LUZP2: variants seen among roughly 807,000 people sequenced by gnomAD.
LUZP2 encodes leucine zipper protein 2.
Under a neutral mutation model 51.6 loss-of-function variants are expected in LUZP2, and 52 were observed. The observed-to-expected ratio is 1.01, with a 90% confidence interval of 0.81 to 1.27. LUZP2 has a LOEUF of 1.27. Among genes scored for constraint, LUZP2 ranks in the 50% most tolerant of loss-of-function variants. The pLI is 0.00. For synonymous variants in LUZP2, 154 were observed against 137.3 expected (o/e 1.12, Z -0.85); for missense variants, 436 against 395.4 (o/e 1.10, Z -0.87).
chr11:24,973,558 T>A (rs552918636), intron 7 of LUZP2, among the ~76,000 whole-genome samples: 96 of 151,976 alleles, frequency 6.3e-4, no homozygotes, highest in African/African-American at 2.2e-3. Flanking sequence ...ATTCTTCTAC[T>A]TTTTTTGACG....
intron 5 of LUZP2, among the ~76,000 whole-genome samples, chr11:24,903,706 A>G (rs1424679422): frequency 6.6e-6 from 1 of 152,176 alleles, no homozygotes; most frequent in Non-Finnish European, 1.5e-5. Context: ...CTGCCCATCT[A>G]AAGACAGTCT....
intron 5 of LUZP2, chr11:24,892,835 A>G (rs1852898929): frequency 6.6e-6 from 1 of 152,230 alleles, no homozygotes; most frequent in South Asian, 2.1e-4. Context: ...CAAAGAGATG[A>G]CAGGTTAATG....
intron 7 of LUZP2, among the ~76,000 whole-genome samples, chr11:24,956,589 CAT>C (rs1855219535): frequency 6.6e-6 from 1 of 151,960 alleles, no homozygotes; most frequent in African/African-American, 2.4e-5. Flanking sequence ...ACAAATGAAA[CAT>C]AATGGAGTTC....
intron 5 of LUZP2, among the ~76,000 whole-genome samples, chr11:24,855,308 A>G (rs1028039844): frequency 6.6e-5 from 10 of 152,300 alleles, no homozygotes; most frequent in African/African-American, 2.4e-4. Context: ...TATAAAAATC[A>G]GTAACATTTC....
At chr11:24,782,054 C>A (rs1849111589) in intron 5 of LUZP2, among the ~76,000 whole-genome samples, 1 of 152,158 alleles carries the variant, frequency 6.6e-6, no homozygotes, top group Admixed American at 6.6e-5. Context: ...AACAATCATT[C>A]AGAGAGCTTC....
chr11:24,814,458 G>C (rs1288344579), intron 5 of LUZP2, among the ~76,000 whole-genome samples: 1 of 152,164 alleles, frequency 6.6e-6, no homozygotes, highest in African/African-American at 2.4e-5. Context: ...CTTTATGAAA[G>C]AGTCTTCCTT....
At chr11:25,039,191 C>G (rs570834448) in intron 9 of LUZP2, among the ~76,000 whole-genome samples, 3 of 152,232 alleles carry the variant, frequency 2.0e-5, no homozygotes, top group Non-Finnish European at 4.4e-5. Context: ...GGGGATTGGA[C>G]CTGAACTAGT....
intron 9 of LUZP2, among the ~76,000 whole-genome samples, chr11:24,999,394 G>T (rs1390756319): frequency 7.2e-6 from 1 of 138,004 alleles, no homozygotes; most frequent in Admixed American, 7.5e-5. Flanking sequence ...CAGGAAGATG[G>T]GGAGGAGGAG....
chr11:24,971,453 G>C (rs1257987555), intron 7 of LUZP2, among the ~76,000 whole-genome samples: 1 of 152,034 alleles, frequency 6.6e-6, no homozygotes, highest in Admixed American at 6.6e-5. Context: ...AGCAGTACCA[G>C]TCTGTGGCAT....
At chr11:24,984,549 T>TATATAAAA (rs60530495) in intron 9 of LUZP2, among the ~76,000 whole-genome samples, 166 of 71,212 alleles carry the variant, frequency 2.3e-3, no homozygotes, top group African/African-American at 5.5e-3. Flanking sequence ...TATATATATA[T>TATATAAAA]AATTGTGAAT....
intron 1 of LUZP2, among the ~76,000 whole-genome samples, chr11:24,546,963 T>TTGG (rs79607613): frequency 1.9e-5 from 2 of 105,518 alleles, no homozygotes; most frequent in East Asian, 2.4e-4. Context: ...GTTGTTGTTG[T>TTGG]TGGTGGTGGT....
chr11:24,718,577 G>A (rs201755770), intron 1 of LUZP2, among the ~76,000 whole-genome samples: 1 of 95,846 alleles, frequency 1.0e-5, no homozygotes, highest in Admixed American at 1.1e-4. Context: ...CTTAACCATT[G>A]GTGATTTCTG....
intron 7 of LUZP2, among the ~76,000 whole-genome samples, chr11:24,974,136 A>G (rs143236319): frequency 1.5e-3 from 229 of 152,228 alleles, no homozygotes; most frequent in Middle Eastern, 0.01. Flanking sequence ...GTGCATATAT[A>G]TTTAGAATAG....
intron 7 of LUZP2, among the ~76,000 whole-genome samples, chr11:24,922,763 A>G (rs982953616): frequency 1.3e-5 from 2 of 148,404 alleles, no homozygotes; most frequent in African/African-American, 4.9e-5. Context: ...TAGAAAACCA[A>G]GACCCAGAGA....
chr11:24,930,312 G>T (rs1232769880), intron 7 of LUZP2, among the ~76,000 whole-genome samples: 1 of 151,992 alleles, frequency 6.6e-6, no homozygotes, highest in African/African-American at 2.4e-5. Context: ...TTGTGTTATT[G>T]TTGTATGAGT....
intron 7 of LUZP2, among the ~76,000 whole-genome samples, chr11:24,918,010 T>C (rs1361838625): frequency 6.6e-6 from 1 of 152,082 alleles, no homozygotes; most frequent in African/African-American, 2.4e-5. Flanking sequence ...TTTTATTTCG[T>C]TGAGCAGTGG....
At chr11:24,706,999 TA>T (rs756567659) in intron 1 of LUZP2, among the ~76,000 whole-genome samples, 149 of 61,804 alleles carry the variant, frequency 2.4e-3, no homozygotes, top group East Asian at 6.0e-3. Context: ...TTGCTAAAAA[TA>T]AAAAAAAAAA....
intron 1 of LUZP2, among the ~76,000 whole-genome samples, chr11:24,509,720 A>G (rs1850249184): frequency 6.6e-6 from 1 of 151,660 alleles, no homozygotes; most frequent in Non-Finnish European, 1.5e-5. Context: ...TTACTCATAG[A>G]TACCTTGCAT....
chr11:24,527,567 TCACACACACACACACA>T, intron 1 of LUZP2, among the ~76,000 whole-genome samples: 1 of 131,560 alleles, frequency 7.6e-6, no homozygotes, highest in East Asian at 2.5e-4. Context: ...TCTCTCTCTC[TCACACACACACACACA>T]CACACACACA....
Sources: gnomAD v4.1 joint callset for allele counts (sites outside exome capture counted in the v4.1 genomes callset) on GRCh38, gnomAD v4.1.1 for gene constraint, MANE v1.5 for transcripts, NCBI Gene and HGNC (gene_info 2026-07-23, HGNC 2026-07-21) for gene names.